Variants in STK24 observed in about 807,000 individuals in gnomAD.
The protein encoded by STK24 is serine/threonine kinase 24.
STK24 carries 21 observed loss-of-function variants against 55.6 expected under a neutral mutation model. The observed-to-expected ratio is 0.38, with a 90% confidence interval of 0.27 to 0.54. The LOEUF (loss-of-function observed/expected upper bound fraction) is 0.54, where lower values mean the gene tolerates loss of function less well. STK24 is among the 20% of genes least tolerant of loss of function. The pLI is 0.79. For missense variants in STK24, 383 were observed against 538.4 expected (o/e 0.71, Z 2.86); for synonymous variants, 200 against 215.2 (o/e 0.93, Z 0.62).
At chr13:98,487,950 C>T (rs1233213871) in intron 2 of STK24, among the ~76,000 whole-genome samples, 1 of 152,122 alleles carries the variant, frequency 6.6e-6, no homozygotes, top group Non-Finnish European at 1.5e-5. Flanking sequence ...TCCCATGCCA[C>T]AGTGTCATCA....
Position 98,475,233 on chromosome 13 carries a change from A to T in STK24, c.439+17T>A. 2 of 1,589,712 alleles carry T rather than the reference A, an allele frequency of 1.3e-6. No homozygotes were observed. Among genetic ancestry groups the T allele is most frequent in the Non-Finnish European group, 1.7e-6 (2 of 1,163,700 alleles). On this transcript the variant is annotated intron_variant, in intron 4 of 10. Coordinates refer to ENST00000539966, the MANE Select transcript of STK24 (RefSeq NM_001032296.4). ...ACCTTCAGTATTTCAAAGGAATGAA[A>T]ACGGATGTCCTCTTACCTTTAATGT...
intron 2 of STK24, among the ~76,000 whole-genome samples, chr13:98,501,551 A>C (rs1234945433): frequency 2.6e-5 from 4 of 152,226 alleles, no homozygotes; most frequent in Non-Finnish European, 5.9e-5. Context: ...TAAACTACAA[A>C]AATTAGGTAC....
chr13:98,485,799 C>T (rs575722449), intron 2 of STK24, among the ~76,000 whole-genome samples: 4 of 152,074 alleles, frequency 2.6e-5, no homozygotes, highest in East Asian at 3.9e-4. Context: ...GCATTCCAGC[C>T]GCTGAAGGTC....
chr13:98,535,198 G>A (rs1350965608), intron 1 of STK24, among the ~76,000 whole-genome samples: 3 of 152,128 alleles, frequency 2.0e-5, no homozygotes, highest in South Asian at 2.1e-4. Context: ...TTAGCTGGGC[G>A]TGGTGGCACG....
intron 6 of STK24, among the ~76,000 whole-genome samples, chr13:98,464,875 A>G (rs1242891288): frequency 6.6e-6 from 1 of 152,164 alleles, no homozygotes; most frequent in South Asian, 2.1e-4. Context: ...TATCTCAGAG[A>G]AACTGGAAAG....
At chr13:98,576,281 G>A (rs1467531764) in intron 1 of STK24, 2 of 944,644 alleles carry the variant, frequency 2.1e-6, no homozygotes, top group African/African-American at 1.8e-5. Context: ...GCCCTGCCCA[G>A]GTCTCCCGCC....
intron 3 of STK24, among the ~76,000 whole-genome samples, chr13:98,481,011 C>T (rs563532038): frequency 3.9e-5 from 6 of 152,316 alleles, no homozygotes; most frequent in East Asian, 1.9e-4. Context: ...TCCTGATGGC[C>T]GCCTATCATC....
intron 2 of STK24, among the ~76,000 whole-genome samples, chr13:98,507,730 C>T (rs1369517764): frequency 2.0e-5 from 3 of 152,170 alleles, no homozygotes; most frequent in South Asian, 2.1e-4. Flanking sequence ...CCAGCCAGGA[C>T]GGGATATCCT....
At chr13:98,476,708 C>A (rs747777518) in intron 3 of STK24, among the ~76,000 whole-genome samples, 8 of 152,208 alleles carry the variant, frequency 5.3e-5, no homozygotes, top group South Asian at 2.1e-4. Flanking sequence ...TCACCGAAAC[C>A]ACAGCCTGAC....
At chr13:98,515,132 G>A (rs1277460258) in intron 2 of STK24, among the ~76,000 whole-genome samples, 8 of 150,110 alleles carry the variant, frequency 5.3e-5, no homozygotes, top group Admixed American at 2.7e-4. Flanking sequence ...TGTAAGTGCT[G>A]AAGGGAATGC....
In STK24 at chr13:98,450,951, A is replaced by C. The variant is rs1440813898; in HGVS notation, c.*2222T>G. The C allele has an allele frequency of 6.6e-6, 1 of 152,210 alleles. No homozygotes were observed. The highest frequency in any genetic ancestry group is 1.5e-5 in the Non-Finnish European group (1 of 68,070). 9.4% of individuals were successfully genotyped at this position (152,210 alleles called of 1,614,324 possible). On this transcript the variant is annotated 3_prime_UTR_variant, in exon 11 of 11. Transcript: ENST00000539966. ...TCCATCAAACCCCACCTCCCCCGAC[A>C]GGAAATGCTGCCAGTCAACTCTAAA... is the stretch of plus-strand genomic sequence containing the variant.
At chr13:98,454,570 G>GAGTT (rs1482984722) in intron 10 of STK24, 1 of 152,228 alleles carries the variant, frequency 6.6e-6, no homozygotes, top group Non-Finnish European at 1.5e-5. Flanking sequence ...ATCACGGGAT[G>GAGTT]AGTTGATGTC....
intron 2 of STK24, among the ~76,000 whole-genome samples, chr13:98,500,228 T>C (rs74109151): frequency 0.018 from 2,686 of 152,328 alleles, 86 homozygotes; most frequent in African/African-American, 0.061. Context: ...TTTTAAGAAA[T>C]GCATTTCAAC....
chr13:98,462,375 C>T (rs1294478713), intron 7 of STK24, among the ~76,000 whole-genome samples: 1 of 152,116 alleles, frequency 6.6e-6, no homozygotes, highest in African/African-American at 2.4e-5. Context: ...CCACTCGCTC[C>T]AAAGCCCACC....
chr13:98,462,600 C>A (rs571715757), intron 7 of STK24, among the ~76,000 whole-genome samples: 2 of 152,218 alleles, frequency 1.3e-5, no homozygotes, highest in Admixed American at 1.3e-4. Flanking sequence ...TAGGGGCCAG[C>A]CTCACTCCCC....
At chr13:98,552,569 T>C (rs558962175) in intron 1 of STK24, among the ~76,000 whole-genome samples, 27 of 152,092 alleles carry the variant, frequency 1.8e-4, no homozygotes, top group South Asian at 1.0e-3. Flanking sequence ...TCGAAGTGAA[T>C]TGGGGAGCAG....
chr13:98,466,835 A>C (rs1893942240), intron 5 of STK24, among the ~76,000 whole-genome samples: 1 of 152,052 alleles, frequency 6.6e-6, no homozygotes, highest in African/African-American at 2.4e-5. Context: ...TTCCCCGTGG[A>C]GTCCCGGGGG....
At chr13:98,559,980 C>G (rs1897377814) in intron 1 of STK24, among the ~76,000 whole-genome samples, 1 of 152,142 alleles carries the variant, frequency 6.6e-6, no homozygotes, top group African/African-American at 2.4e-5. Context: ...GAACTCCCAT[C>G]TCTTAAAAAA....
rs1893187983 is a variant in STK24, at chr13:98,451,437, A to C, written c.*1736T>G. 6.6e-6 allele frequency: 1 copy of C among 152,198 alleles called. No individual in the cohort carries two copies. The highest frequency in any genetic ancestry group is 1.5e-5 in the Non-Finnish European group (1 of 68,038). 9.4% of individuals were successfully genotyped at this position (152,198 alleles called of 1,614,324 possible). On this transcript the variant is annotated 3_prime_UTR_variant, in exon 11 of 11. Transcript: ENST00000539966. ...TTAGCAACTCAGTTCTATTTCCCCA[A>C]CCAAAATATATCCCTTATACAAATT...
Sources: allele counts gnomAD v4.1 joint callset (sites outside exome capture counted in the v4.1 genomes callset), GRCh38; gene constraint gnomAD v4.1.1; transcripts MANE v1.5; gene names NCBI Gene and HGNC (gene_info 2026-07-23, HGNC 2026-07-21).